RDX: variants seen among roughly 807,000 people sequenced by gnomAD.
The protein encoded by RDX is deafness, autosomal recessive 24.
In RDX, 32 loss-of-function variants were observed where a neutral mutation model predicts 83.7. The observed-to-expected ratio is 0.38, with a 90% confidence interval of 0.29 to 0.51. RDX has a LOEUF of 0.51. Among genes scored for constraint, RDX ranks in the 20% least tolerant of loss-of-function variants. RDX has a pLI of 0.87. For missense variants in RDX, 600 were observed against 689.9 expected (o/e 0.87, Z 1.46); for synonymous variants, 229 against 222.7 (o/e 1.03, Z -0.25).
chr11:110,279,433 G>A (rs1860661936), intron 2 of RDX, among the ~76,000 whole-genome samples: 1 of 152,182 alleles, frequency 6.6e-6, no homozygotes, highest in Admixed American at 6.5e-5. Context: ...GGCTGAGGCA[G>A]GAGAATCACT....
intron 7 of RDX, among the ~76,000 whole-genome samples, chr11:110,256,921 TAA>T (rs1859569215): frequency 6.6e-6 from 1 of 152,124 alleles, no homozygotes; most frequent in African/African-American, 2.4e-5. Context: ...TAATAAAAAT[TAA>T]AATTCTGGAG....
intron 14 of RDX, among the ~76,000 whole-genome samples, chr11:110,217,090 C>T (rs1056606399): frequency 6.6e-6 from 1 of 152,178 alleles, no homozygotes; most frequent in Admixed American, 6.5e-5. Context: ...CATCTACCAT[C>T]TTGATTTAAA....
At chr11:110,244,991 G>C (rs1277387897) in intron 10 of RDX, among the ~76,000 whole-genome samples, 2 of 146,538 alleles carry the variant, frequency 1.4e-5, no homozygotes, top group African/African-American at 5.1e-5. Context: ...TTGAGACAGA[G>C]TCTCGCTCTG....
intron 3 of RDX, among the ~76,000 whole-genome samples, chr11:110,268,904 A>T (rs1423090263): frequency 6.6e-6 from 1 of 151,456 alleles, no homozygotes; most frequent in African/African-American, 2.4e-5. Context: ...CAAGTTACAT[A>T]CTATCATGCT....
chr11:110,291,888 TC>T (rs1861257517), intron 1 of RDX, among the ~76,000 whole-genome samples: 2 of 151,900 alleles, frequency 1.3e-5, no homozygotes, highest in South Asian at 4.2e-4. Context: ...TCCCAGCACT[TC>T]AGGAGGCCGA....
chr11:110,245,906 C>T (rs1357666355), intron 10 of RDX, among the ~76,000 whole-genome samples: 1 of 152,126 alleles, frequency 6.6e-6, no homozygotes, highest in Non-Finnish European at 1.5e-5. Context: ...TTGATATTTG[C>T]TGGGACAGTA....
At chr11:110,186,458 T>C (rs993027412) in intron 15 of RDX, among the ~76,000 whole-genome samples, 1 of 152,030 alleles carries the variant, frequency 6.6e-6, no homozygotes, top group Non-Finnish European at 1.5e-5. Flanking sequence ...GATGGTGAAT[T>C]ACAGGCTTCT....
chr11:110,288,610 T>C (rs1286851598), intron 1 of RDX, among the ~76,000 whole-genome samples: 1 of 152,206 alleles, frequency 6.6e-6, no homozygotes, highest in Non-Finnish European at 1.5e-5. Context: ...ACAAAGTCAG[T>C]ATGTTTCTTA....
At chr11:110,286,181 C>T (rs1237819680) in intron 1 of RDX, among the ~76,000 whole-genome samples, 1 of 152,182 alleles carries the variant, frequency 6.6e-6, no homozygotes, top group Non-Finnish European at 1.5e-5. Context: ...ATACCTACTT[C>T]TCCTAAAGCA....
intron 14 of RDX, among the ~76,000 whole-genome samples, chr11:110,209,518 G>GCAGCACC (rs1362984007): frequency 6.6e-6 from 1 of 152,230 alleles, no homozygotes; most frequent in East Asian, 1.9e-4. Context: ...GCCTCTGTAG[G>GCAGCACC]CAGCACCCTG....
chr11:110,296,517 G>C lies in RDX; in HGVS notation c.-115C>G, dbSNP rs2134469115. On this transcript the variant is annotated 5_prime_UTR_variant, in exon 1 of 14. Coordinates refer to ENST00000645495, the MANE Select transcript of RDX (RefSeq NM_002906.4). Reference sequence around the variant, plus strand: ...CCGGCGTGTGGCTGGGGCGCTGCGCGGCGGCGCGGCTGCGACAGGGAGGGA... The same window carrying C: ...CCGGCGTGTGGCTGGGGCGCTGCGCCGCGGCGCGGCTGCGACAGGGAGGGA... 2 of 151,658 alleles carry C rather than the reference G, an allele frequency of 1.3e-5. No individual in the cohort carries two copies. Among genetic ancestry groups the C allele is most frequent in the South Asian group, 4.1e-4 (2 of 4,830 alleles). 9.4% of individuals were successfully genotyped at this position (151,658 alleles called of 1,614,324 possible).
downstream of RDX, among the ~76,000 whole-genome samples, chr11:110,224,824 G>T (rs1864379178): frequency 6.6e-6 from 1 of 152,122 alleles, no homozygotes; most frequent in Non-Finnish European, 1.5e-5. Flanking sequence ...GCCTTTCTTA[G>T]GCTAACTACA....
intron 3 of RDX, among the ~76,000 whole-genome samples, chr11:110,266,837 T>G (rs1860070000): frequency 6.6e-6 from 1 of 151,966 alleles, no homozygotes; most frequent in Non-Finnish European, 1.5e-5. Flanking sequence ...ATCCTCCCAC[T>G]TCAGCCTCTC....
At chr11:110,197,945 C>A (rs1863259907) in intron 15 of RDX, among the ~76,000 whole-genome samples, 1 of 152,162 alleles carries the variant, frequency 6.6e-6, no homozygotes, top group Admixed American at 6.5e-5. Flanking sequence ...TTGGTAGTGT[C>A]ATGAAATATC....
At chr11:110,244,450 A>C (rs987537041) in intron 10 of RDX, among the ~76,000 whole-genome samples, 1 of 151,982 alleles carries the variant, frequency 6.6e-6, no homozygotes, top group African/African-American at 2.4e-5. Flanking sequence ...ATGTTAAACA[A>C]AAGAAGCCAG....
At chr11:110,232,057 A>T in intron 13 of RDX, 24 bp from the exon 14 acceptor site, 1 of 1,570,894 alleles carries the variant, frequency 6.4e-7, no homozygotes, top group Non-Finnish European at 8.7e-7. Context: ...AAAAAGTACA[A>T]CTATTATTTT....
intron 14 of RDX, among the ~76,000 whole-genome samples, chr11:110,224,025 C>CA (rs1041272959): frequency 1.6e-4 from 24 of 150,644 alleles, no homozygotes; most frequent in African/African-American, 5.6e-4. Flanking sequence ...AACTCCATCT[C>CA]AAAAAACAAA....
chr11:110,204,989 A>C lies in RDX; in HGVS notation c.1749-5311T>G, dbSNP rs1324879093. Among the ~76,000 whole-genome samples, 3 of 152,246 alleles carry C rather than the reference A, an allele frequency of 2.0e-5. No individual in the cohort carries two copies. In the East Asian group the frequency reaches 5.8e-4, roughly 29 times the overall value. ...AGCAACTTTTTAAGAAAGCTCAACC[A>C]GATATCAAGACTTGTTAAAAAGCAA... On this transcript the variant is annotated intron_variant, in intron 14 of 15. Coordinates refer to the RDX transcript ENST00000528498.
chr11:110,295,270 T>C (rs944729424), intron 1 of RDX, among the ~76,000 whole-genome samples: 32 of 150,554 alleles, frequency 2.1e-4, no homozygotes, highest in Admixed American at 7.3e-4. Context: ...TTGTTCCTTC[T>C]TAGCTCCATC....
Sources: allele counts gnomAD v4.1 joint callset (sites outside exome capture counted in the v4.1 genomes callset), GRCh38; gene constraint gnomAD v4.1.1; transcripts MANE v1.5; gene names NCBI Gene and HGNC (gene_info 2026-07-23, HGNC 2026-07-21).